PLCG1: variants seen among roughly 807,000 people sequenced by gnomAD.
PLCG1 encodes 1-phosphatidylinositol 4,5-bisphosphate phosphodiesterase gamma-1.
PLCG1 carries 71 observed loss-of-function variants against 177.8 expected under a neutral mutation model. The observed-to-expected ratio is 0.40, with a 90% CI of 0.33 to 0.49. The LOEUF (loss-of-function observed/expected upper bound fraction) is 0.49. Ranked by LOEUF, PLCG1 falls within the 20% of genes least tolerant of loss-of-function variation. The probability of loss-of-function intolerance (pLI) is 0.72; values close to 1 mark genes in which losing one functional copy is unlikely to be tolerated. For synonymous variants in PLCG1, 658 were observed against 647.9 expected (o/e 1.02, Z -0.24); for missense variants, 1,281 against 1,709.0 (o/e 0.75, Z 4.42).
Position 41,167,673 on chromosome 20 carries a change from G to T in PLCG1, c.2302-179G>T. On this transcript the variant is annotated intron_variant, in intron 19 of 31. Transcript: ENST00000685551. This position sits in a 1 kb window ranked among gnomAD's most constrained non-coding sequence, Gnocchi z 4.4. ...ATGTAAGAATGTGAAGAAAGGAAAGGGAACAGTGAGGCCGGGCCTGAGGCC... is the reference window on the plus strand; with the variant it reads ...ATGTAAGAATGTGAAGAAAGGAAAGTGAACAGTGAGGCCGGGCCTGAGGCC... 1 of 598,178 alleles carries T rather than the reference G, an allele frequency of 1.7e-6. No individual in the cohort carries two copies. Among genetic ancestry groups the T allele is most frequent in the Non-Finnish European group, 3.0e-6 (1 of 334,670 alleles). The allele number at this position is 598,178 out of a possible 1,614,324, so 37.1% of individuals were successfully genotyped here.
In PLCG1 at chr20:41,167,651, T is replaced by G. The variant is rs146889009; in HGVS notation, c.2302-201T>G. ...AGAATCCTGGGCTGGGCCTTACATG[T>G]AAGAATGTGAAGAAAGGAAAGGGAA... is the stretch of plus-strand genomic sequence containing the variant. On this transcript the variant is annotated intron_variant, in intron 19 of 31. Coordinates refer to ENST00000685551, the MANE Select transcript of PLCG1 (RefSeq NM_002660.3). This position sits in a 1 kb window ranked among gnomAD's most constrained non-coding sequence, Gnocchi z 4.4. The G allele has an allele frequency of 1.2e-3, 698 of 584,338 alleles. 6 individuals are homozygous for G. Among genetic ancestry groups the G allele is most frequent in the African/African-American group, 0.012 (617 of 53,486 alleles). 36.2% of individuals were successfully genotyped at this position (584,338 alleles called of 1,614,324 possible).
chr20:41,154,476 C>G (rs550088460), intron 1 of PLCG1, among the ~76,000 whole-genome samples: 1 of 152,352 alleles, frequency 6.6e-6, no homozygotes, highest in East Asian at 1.9e-4. Flanking sequence ...CCCTAGGGTT[C>G]CTGCTGTCCT....
At position 41,172,705 on chromosome 20, in the gene PLCG1, T is replaced by C; in HGVS notation, c.3131-24T>C. On this transcript the variant is annotated intron_variant, in intron 26 of 31. Transcript: ENST00000685551. This position sits in a 1 kb window ranked among gnomAD's most constrained non-coding sequence, Gnocchi z 7.0. ...GCACTGTGGGGCAGCTGGACTGGAA[T>C]ACACCATAATCTGCCTCTTCCAGAC... The C allele has an allele frequency of 6.2e-7, 1 of 1,613,388 alleles. No homozygotes were observed. The highest frequency in any genetic ancestry group is 1.1e-5 in the South Asian group (1 of 91,064).
Position 41,173,425 on chromosome 20 carries a change from G to A in PLCG1, c.3285G>A (p.Leu1095=). The change falls in exon 28 of 32, where the codon CTG becomes CTA. Residue 1095 remains leucine (L), a synonymous_variant. Transcript: ENST00000685551. This position sits in a 1 kb window ranked among gnomAD's most constrained non-coding sequence, Gnocchi z 6.2. ...LEPCAISIEV[L]GARHLPKNGR... is the part of the protein sequence containing the mutation. The stretch of plus-strand genomic sequence containing the variant: ...CCTTCTTTGTCTGCCTACAGGTGCT[G>A]GGGGCCCGACATCTGCCAAAGAATG... 6.3e-7 allele frequency: 1 copy of A among 1,597,768 alleles called. No individual in the cohort carries two copies. The highest frequency in any genetic ancestry group is 8.5e-7 in the Non-Finnish European group (1 of 1,171,204).
In PLCG1 at chr20:41,159,819, C is replaced by T. The variant is rs1350198922; in HGVS notation, c.371-51C>T. 8 of 1,612,168 alleles carry T rather than the reference C, an allele frequency of 5.0e-6. No individual in the cohort carries two copies. The highest frequency in any genetic ancestry group is 6.8e-6 in the Non-Finnish European group (8 of 1,178,322). ...TTAGGGGAATGCCTGCTGGCTCCTG[C>T]CCAGTGGGAGGTATGTGCCCTCGGG... On this transcript the variant is annotated intron_variant, in intron 2 of 31. Coordinates refer to ENST00000685551, the MANE Select transcript of PLCG1 (RefSeq NM_002660.3). The surrounding 1 kb of genome is among the most constrained non-coding windows in gnomAD (Gnocchi z 6.0).
Position 41,137,627 on chromosome 20 carries a change from C to T in PLCG1, c.-15C>T. ...GGTCCTGGCCTGTGCCGCCGCCGCC[C>T]CCAGCGTCGGAGCCATGGCGGGCGC... On this transcript the variant is annotated 5_prime_UTR_variant, in exon 1 of 32. Transcript: ENST00000685551. The surrounding 1 kb of genome is among the most constrained non-coding windows in gnomAD (Gnocchi z 7.3). 1 of 1,315,382 alleles carries T rather than the reference C, an allele frequency of 7.6e-7. No homozygotes were observed. Among genetic ancestry groups the T allele is most frequent in the Non-Finnish European group, 9.7e-7 (1 of 1,030,292 alleles). 81.5% of individuals were successfully genotyped at this position (1,315,382 alleles called of 1,614,324 possible).
Position 41,174,414 on chromosome 20 carries a change from A to G in PLCG1, c.3834-53A>G, listed in dbSNP as rs975035609. The G allele has an allele frequency of 5.6e-6, 9 of 1,593,838 alleles. No homozygotes were observed. The African/African-American group carries it at 6.7e-5, about 12-fold the overall frequency. On this transcript the variant is annotated intron_variant, in intron 31 of 31. Coordinates refer to ENST00000685551, the MANE Select transcript of PLCG1 (RefSeq NM_002660.3). The surrounding 1 kb of genome is among the most constrained non-coding windows in gnomAD (Gnocchi z 5.8). ...TAGAAAAGTTGTAATATTGTCTGGC[A>G]TTGGGCTGCAAGGCCCTGCCTGCCA...
intron 21 of PLCG1, 93 bp downstream of exon 21, chr20:41,168,963 T>C: frequency 8.8e-7 from 1 of 1,141,018 alleles, no homozygotes; most frequent in Non-Finnish European, 1.3e-6. Context: ...GTCTCCTGTG[T>C]GCACCAGCAG....
At chr20:41,149,214 G>A (rs1027037544) in intron 1 of PLCG1, among the ~76,000 whole-genome samples, 3 of 152,158 alleles carry the variant, frequency 2.0e-5, no homozygotes, top group African/African-American at 4.8e-5. Context: ...GGACTCTAAC[G>A]TAAGCTATCT....
At chr20:41,149,922 G>A (rs776617448) in intron 1 of PLCG1, among the ~76,000 whole-genome samples, 4 of 152,206 alleles carry the variant, frequency 2.6e-5, no homozygotes, top group Non-Finnish European at 5.9e-5. Flanking sequence ...GGTCAGGCAC[G>A]GTGATTCATG....
At chr20:41,169,329 A>C in intron 22 of PLCG1, 128 bp from the exon 23 acceptor site, 1 of 934,478 alleles carries the variant, frequency 1.1e-6, no homozygotes, top group Non-Finnish European at 1.8e-6. Context: ...GTAGTCTCCC[A>C]TATACCTGTG....
Position 41,163,905 on chromosome 20 carries a change from C to T in PLCG1, c.1011-16C>T. 1 of 1,613,524 alleles carries T rather than the reference C, an allele frequency of 6.2e-7. No homozygotes were observed. The highest frequency in any genetic ancestry group is 8.5e-7 in the Non-Finnish European group (1 of 1,179,464). ...CCCATCTGACCATACCTACCTGCCTCTCCTTGCCTATCCAGGTACCTGACC... is the reference window on the plus strand; with the variant it reads ...CCCATCTGACCATACCTACCTGCCTTTCCTTGCCTATCCAGGTACCTGACC... On this transcript the variant is annotated splice_polypyrimidine_tract_variant and intron_variant, in intron 10 of 31. Coordinates refer to ENST00000685551, the MANE Select transcript of PLCG1 (RefSeq NM_002660.3). The surrounding 1 kb of genome is among the most constrained non-coding windows in gnomAD (Gnocchi z 5.2).
At chr20:41,169,757 C>T (rs1326619465) in intron 23 of PLCG1, 2 of 580,722 alleles carry the variant, frequency 3.4e-6, no homozygotes, top group Non-Finnish European at 6.1e-6. Flanking sequence ...CCGTCAGAAT[C>T]AGCAGAACAA....
chr20:41,158,569 A>T (rs2035394864), intron 1 of PLCG1, among the ~76,000 whole-genome samples: 1 of 152,188 alleles, frequency 6.6e-6, no homozygotes, highest in Non-Finnish European at 1.5e-5. Context: ...GGCCCCCTCC[A>T]TGTCCCACAT....
In PLCG1 at chr20:41,176,988, G is replaced by GTACC. The variant is rs2036082476; in HGVS notation, c.*2480_*2483dup. On this transcript the variant is annotated 3_prime_UTR_variant, in exon 32 of 32. Transcript: ENST00000685551. ...CTTGGGGAGCTTCTGAAAAATACTG[G>GTACC]TACCCGGGGCCTTAGCATAGGTATT... The GTACC allele has an allele frequency of 6.6e-6, 1 of 152,218 alleles. No homozygotes were observed. Among genetic ancestry groups the GTACC allele is most frequent in the African/African-American group, 2.4e-5 (1 of 41,454 alleles). 9.4% of individuals were successfully genotyped at this position (152,218 alleles called of 1,614,324 possible). A position where few individuals can be genotyped will look rare whatever the true frequency, so the allele number is the denominator to read the frequency against.
rs1026034139 is a variant in PLCG1 at position 41,150,763 on chromosome 20, G to C, written c.218-8843G>C. Among the ~76,000 whole-genome samples, 3 of 152,142 alleles carry C rather than the reference G, an allele frequency of 2.0e-5. No individual in the cohort carries two copies. Among genetic ancestry groups the C allele is most frequent in the African/African-American group, 7.2e-5 (3 of 41,416 alleles). On this transcript the variant is annotated intron_variant, in intron 1 of 31. Coordinates refer to ENST00000685551, the MANE Select transcript of PLCG1 (RefSeq NM_002660.3). This position sits in a 1 kb window ranked among gnomAD's most constrained non-coding sequence, Gnocchi z 4.0. ...GTTTCCATGAACCCCTCTGCCCAAT[G>C]TGTGCTTGTCAGCCCTCCAGACCTG...
In PLCG1 at chr20:41,162,718, A is replaced by T; in HGVS notation, c.674A>T (p.Gln225Leu). 1 of 1,612,380 alleles carries T rather than the reference A, an allele frequency of 6.2e-7. No individual in the cohort carries two copies. The highest frequency in any genetic ancestry group is 8.5e-7 in the Non-Finnish European group (1 of 1,179,190). The change falls in exon 6 of 32, where the codon CAG (glutamine) becomes CTG (leucine). Residue 225 changes from glutamine (Q) to leucine (L), a missense_variant. Physicochemically the swap from Gln to Leu is moderately radical, Grantham distance 113. Transcript: ENST00000685551. ...TACCGCAGCCTCATGTACAGCGCCC[A>T]GAAGACGGTGCATGAGCCACCTGCC... is the stretch of plus-strand genomic sequence containing the variant. ...QLYRSLMYSA[Q>L]KTMDLPFLEA... is the part of the protein sequence containing the mutation.
rs757996198 is a variant in PLCG1 at position 41,174,222 on chromosome 20, C to A, written c.3744C>A (p.Gly1248=). 2 of 1,614,160 alleles carry A rather than the reference C, an allele frequency of 1.2e-6. No homozygotes were observed. Among genetic ancestry groups the A allele is most frequent in the Admixed American group, 3.3e-5 (2 of 60,022 alleles). The part of the protein sequence containing the change: ...GQLFHGRARE[G]SFESRYQQPF... ...TGTTTCATGGCCGAGCCCGGGAAGG[C>A]TCCTTTGAATCCCGCTACCAGCAGC... is the stretch of plus-strand genomic sequence containing the variant. The change falls in exon 31 of 32, where the codon GGC becomes GGA. Residue 1248 remains glycine (G), a synonymous_variant. Coordinates refer to ENST00000685551, the MANE Select transcript of PLCG1 (RefSeq NM_002660.3). This position sits in a 1 kb window ranked among gnomAD's most constrained non-coding sequence, Gnocchi z 5.8.
In PLCG1 at chr20:41,167,911, C is replaced by T; in HGVS notation, c.2361C>T (p.Asn787=). The T allele has an allele frequency of 6.2e-7, 1 of 1,613,362 alleles. No homozygotes were observed. The highest frequency in any genetic ancestry group is 8.5e-7 in the Non-Finnish European group (1 of 1,179,426). Residue 787 remains asparagine (N), a synonymous_variant, in exon 20 of 32, where the codon AAC becomes AAT. Transcript: ENST00000685551. The surrounding 1 kb of genome is among the most constrained non-coding windows in gnomAD (Gnocchi z 4.4). The stretch of plus-strand genomic sequence containing the variant: ...ACCCTGGCTTCTATGTAGAGGCAAA[C>T]CCTATGCCAACTTTCAAGGTACAGC... The part of the protein sequence containing the change: ...GRNPGFYVEA[N]PMPTFKCAVK...
Sources: gnomAD v4.1 joint callset for allele counts (sites outside exome capture counted in the v4.1 genomes callset) on GRCh38, gnomAD v4.1.1 for gene constraint, Gnocchi (gnomAD v3.1) non-coding constraint, MANE v1.5 for transcripts, NCBI Gene and HGNC (gene_info 2026-07-23, HGNC 2026-07-21) for gene names.